Variants in TXNDC11 observed in about 807,000 individuals in gnomAD.
TXNDC11 encodes the protein thioredoxin domain-containing protein 11.
A neutral mutation model predicts 78.0 loss-of-function variants in TXNDC11; 68 were observed. The observed-to-expected ratio is 0.87, with a 90% CI of 0.72 to 1.07. The LOEUF is 1.07. TXNDC11 is among the 50% of genes least tolerant of loss of function. The pLI is 0.00. For missense variants in TXNDC11, 1,389 were observed against 1,221.8 expected (o/e 1.14, Z -2.04); for synonymous variants, 571 against 495.2 (o/e 1.15, Z -2.03).
chr16:11,711,935 T>C (rs556793463), intron 5 of TXNDC11, among the ~76,000 whole-genome samples: 2 of 152,308 alleles, frequency 1.3e-5, no homozygotes, highest in South Asian at 4.1e-4. Context: ...GGTTCAACTG[T>C]ATATAAAAGG....
intron 8 of TXNDC11, among the ~76,000 whole-genome samples, chr16:11,689,833 C>T (rs933262288): frequency 3.3e-5 from 5 of 152,164 alleles, no homozygotes; most frequent in East Asian, 1.9e-4. Flanking sequence ...AAGCTCAACA[C>T]ATCAAAATGA....
chr16:11,731,743 T>C (rs576093472), intron 3 of TXNDC11, among the ~76,000 whole-genome samples: 22 of 151,990 alleles, frequency 1.4e-4, no homozygotes, highest in African/African-American at 5.3e-4. Context: ...AATTCTTCCA[T>C]GTGCACTGCA....
intron 7 of TXNDC11, among the ~76,000 whole-genome samples, chr16:11,693,671 A>C (rs575078902): frequency 1.3e-5 from 2 of 152,208 alleles, no homozygotes; most frequent in Admixed American, 1.3e-4. Context: ...CCACCAGAAA[A>C]CTACTGGGTC....
intron 5 of TXNDC11, among the ~76,000 whole-genome samples, chr16:11,714,362 C>T (rs1053092363): frequency 4.6e-5 from 7 of 152,148 alleles, no homozygotes; most frequent in South Asian, 2.1e-4. Context: ...ACCATCTGGC[C>T]GCGCTCGTTG....
chr16:11,704,141 G>A (rs2051111560), intron 5 of TXNDC11, among the ~76,000 whole-genome samples: 1 of 152,116 alleles, frequency 6.6e-6, no homozygotes, highest in Non-Finnish European at 1.5e-5. Flanking sequence ...ATGGGGGTTT[G>A]TCCAAAGGAC....
intron 5 of TXNDC11, among the ~76,000 whole-genome samples, chr16:11,714,789 C>T (rs1464845344): frequency 6.6e-6 from 1 of 152,164 alleles, no homozygotes; most frequent in Non-Finnish European, 1.5e-5. Flanking sequence ...AGGGACACTA[C>T]GCTGGAATCA....
intron 4 of TXNDC11, among the ~76,000 whole-genome samples, chr16:11,726,770 G>A (rs1282764626): frequency 3.3e-5 from 5 of 151,922 alleles, no homozygotes; most frequent in South Asian, 2.1e-4. Context: ...AAAATTTTAC[G>A]TCAGCGGGGC....
At chr16:11,716,428 C>A (rs2051528536) in intron 5 of TXNDC11, among the ~76,000 whole-genome samples, 1 of 152,164 alleles carries the variant, frequency 6.6e-6, no homozygotes, top group Non-Finnish European at 1.5e-5. Context: ...GCCTCTCTGC[C>A]AAGATCAAAT....
At position 11,711,668 on chromosome 16, in the gene TXNDC11, T is replaced by TA. The variant is rs529926093; in HGVS notation, c.793+9908dup. ...TGATTAGCAATCTAATTCTATTTGC[T>TA]ACCTTAATTCCCCCTTGCCATGTAT... On this transcript the variant is annotated intron_variant, in intron 5 of 11. Transcript: ENST00000283033. Among the ~76,000 whole-genome samples, 8 of 152,368 alleles carry TA rather than the reference T, an allele frequency of 5.3e-5. No homozygotes were observed. In the East Asian group the frequency reaches 1.5e-3, roughly 29 times the overall value.
chr16:11,699,793 C>T (rs547527740), intron 6 of TXNDC11, among the ~76,000 whole-genome samples: 4 of 152,190 alleles, frequency 2.6e-5, no homozygotes, highest in Non-Finnish European at 4.4e-5. Context: ...GACAGTGATG[C>T]GAGAGAGACA....
intron 5 of TXNDC11, among the ~76,000 whole-genome samples, chr16:11,717,877 T>C (rs1275268906): frequency 6.6e-6 from 1 of 151,530 alleles, no homozygotes; most frequent in Non-Finnish European, 1.5e-5. Flanking sequence ...CAAGAGTTCC[T>C]GTCCACAACA....
chr16:11,710,025 C>T (rs1005012023), intron 5 of TXNDC11, among the ~76,000 whole-genome samples: 1 of 152,146 alleles, frequency 6.6e-6, no homozygotes, highest in Non-Finnish European at 1.5e-5. Flanking sequence ...TGCCTGTAAT[C>T]CCAGCTACTC....
Position 11,691,756 on chromosome 16 carries a change from C to T in TXNDC11, c.1434G>A (p.Lys478=). Reference sequence around the variant, plus strand: ...ATGCCACATGATAAAAGGTCTGCTCCTTGAGGTAGAAAGAATCCAGAGCTG... The same window carrying T: ...ATGCCACATGATAAAAGGTCTGCTCTTTGAGGTAGAAAGAATCCAGAGCTG... The part of the protein sequence containing the change: ...MAAALDSFYL[K]EQTFYHVASD... Residue 478 remains lysine (K), a synonymous_variant, in exon 8 of 12, where the codon AAG becomes AAA. Transcript: ENST00000283033. 2 of 1,614,220 alleles carry T rather than the reference C, an allele frequency of 1.2e-6. No individual in the cohort carries two copies. Among genetic ancestry groups the T allele is most frequent in the Non-Finnish European group, 1.7e-6 (2 of 1,180,042 alleles).
rs761204399 is a variant in TXNDC11, at chr16:11,679,735, A to T, written c.2337T>A (p.Asn779Lys). Residue 779 changes from asparagine (N) to lysine (K), a missense_variant, in exon 12 of 12, where the codon AAT becomes AAA. Asn to Lys is a moderately conservative substitution (Grantham distance 94, BLOSUM62 0). Coordinates refer to ENST00000283033, the MANE Select transcript of TXNDC11 (RefSeq NM_015914.7). The surrounding 1 kb of genome is among the most constrained non-coding windows in gnomAD (Gnocchi z 4.6). The stretch of plus-strand genomic sequence containing the variant: ...ACTCCTTGGTAGGAGAGTTAGCCAC[A>T]TTCTGGGGGCTGGAAGCAGGGTCTG... The part of the protein sequence containing the change: ...HHSDPASSPQ[N>K]VANSPTKECL... The T allele has an allele frequency of 6.2e-7, 1 of 1,614,150 alleles. No homozygotes were observed. Among genetic ancestry groups the T allele is most frequent in the South Asian group, 1.1e-5 (1 of 91,078 alleles).
At chr16:11,709,548 C>A in intron 5 of TXNDC11, among the ~76,000 whole-genome samples, 1 of 149,178 alleles carries the variant, frequency 6.7e-6, no homozygotes. Flanking sequence ...CATTCTCCTG[C>A]CTCAGCCTCC....
At chr16:11,726,793 A>G (rs2051892008) in intron 4 of TXNDC11, among the ~76,000 whole-genome samples, 1 of 152,152 alleles carries the variant, frequency 6.6e-6, no homozygotes, top group Non-Finnish European at 1.5e-5. Flanking sequence ...AGTGGCTCAC[A>G]CCTGTAATCC....
rs1394799802 is a variant in TXNDC11, at chr16:11,700,469, G to A, written c.889C>T (p.His297Tyr). The A allele has an allele frequency of 1.3e-6, 2 of 1,547,980 alleles. No homozygotes were observed. The highest frequency in any genetic ancestry group is 1.7e-5 in the Admixed American group (1 of 58,582). The change falls in exon 6 of 12, where the codon CAT (histidine) becomes TAT (tyrosine). Residue 297 changes from histidine (H) to tyrosine (Y), a missense_variant. Coordinates refer to ENST00000283033, the MANE Select transcript of TXNDC11 (RefSeq NM_015914.7). Reference protein sequence around the residue: ...VHSGSVYLHRHFNTSLVFPRE... With the variant: ...VHSGSVYLHRYFNTSLVFPRE... ...ATACTTACAAGTGATGTGTTGAAAT[G>A]TCTATGTAAATACACACTTCCAGAG...
At chr16:11,697,430 C>T (rs984908754) in intron 7 of TXNDC11, among the ~76,000 whole-genome samples, 25 of 152,128 alleles carry the variant, frequency 1.6e-4, no homozygotes, top group African/African-American at 4.1e-4. Context: ...ACCCCAGGCT[C>T]GCTCTGCATA....
At chr16:11,721,372 C>T (rs897025636) in intron 5 of TXNDC11, 15 of 311,298 alleles carry the variant, frequency 4.8e-5, no homozygotes, top group Admixed American at 2.7e-4. Context: ...ACCCGGGAGG[C>T]AGATTCCAGT....
Sources: allele counts gnomAD v4.1 joint callset (sites outside exome capture counted in the v4.1 genomes callset), GRCh38; gene constraint gnomAD v4.1.1; non-coding constraint Gnocchi (gnomAD v3.1); transcripts MANE v1.5; gene names NCBI Gene and HGNC (gene_info 2026-07-23, HGNC 2026-07-21).